FAM204A: variants seen among roughly 807,000 people sequenced by gnomAD.
The protein encoded by FAM204A is family with sequence similarity 204 member A, also known as protein FAM204A.
In FAM204A, 16 loss-of-function variants were observed where a neutral mutation model predicts 35.4. That is an observed-to-expected ratio of 0.45 (90% CI 0.31 to 0.69). The LOEUF (loss-of-function observed/expected upper bound fraction) is 0.69. FAM204A is among the 30% of genes least tolerant of loss of function. The pLI, the probability that FAM204A is intolerant of heterozygous loss-of-function variation, is 0.07. For synonymous variants in FAM204A, 76 were observed against 86.9 expected (o/e 0.88, Z 0.70); for missense variants, 240 against 265.7 (o/e 0.90, Z 0.67).
chr10:118,318,429 G>A (rs1281530643), intron 7 of FAM204A, among the ~76,000 whole-genome samples: 1 of 151,776 alleles, frequency 6.6e-6, no homozygotes, highest in East Asian at 1.9e-4. Context: ...TATTCAAATG[G>A]AGATATTAAA....
chr10:118,304,438 C>T lies in FAM204A; in HGVS notation c.*6419G>A, dbSNP rs1378386015. 2.0e-5 allele frequency: 3 copies of T among 152,364 alleles called. No individual in the cohort carries two copies. Among genetic ancestry groups the T allele is most frequent in the African/African-American group, 7.2e-5 (3 of 41,452 alleles). 9.4% of individuals were successfully genotyped at this position (152,364 alleles called of 1,614,324 possible). A position where few individuals can be genotyped will look rare whatever the true frequency, so the allele number is the denominator to read the frequency against. ...ACCATCCATAGACACCCAACTCTTC[C>T]CCGCACAAGTCCAATCTCCCCAGCA... is the stretch of plus-strand genomic sequence containing the variant. On this transcript the variant is annotated 3_prime_UTR_variant, in exon 9 of 9. Coordinates refer to ENST00000369183, the MANE Select transcript of FAM204A (RefSeq NM_022063.3).
chr10:118,341,127 T>C (rs918704663), intron 2 of FAM204A, among the ~76,000 whole-genome samples: 14 of 152,200 alleles, frequency 9.2e-5, no homozygotes, highest in Non-Finnish European at 1.5e-4. Flanking sequence ...AATAATGTCA[T>C]ATTTTCTGGA....
rs1845806140 is a variant in FAM204A at position 118,301,339 on chromosome 10, A to G, written c.*9518T>C. On this transcript the variant is annotated 3_prime_UTR_variant, in exon 9 of 9. Transcript: ENST00000369183. Reference sequence around the variant, plus strand: ...AGTTTTACAAATGCTGATAGAAGACACTAGACTCTCAGTTCAGACATTTAC... The same window carrying G: ...AGTTTTACAAATGCTGATAGAAGACGCTAGACTCTCAGTTCAGACATTTAC... The G allele has an allele frequency of 6.6e-6, 1 of 152,244 alleles. No homozygotes were observed. The highest frequency in any genetic ancestry group is 2.1e-4 in the South Asian group (1 of 4,830). 9.4% of individuals were successfully genotyped at this position (152,244 alleles called of 1,614,324 possible). A position where few individuals can be genotyped will look rare whatever the true frequency, so the allele number is the denominator to read the frequency against.
At chr10:118,339,796 T>C (rs556914425) in intron 2 of FAM204A, among the ~76,000 whole-genome samples, 28 of 84,058 alleles carry the variant, frequency 3.3e-4, no homozygotes, top group African/African-American at 9.7e-4. Context: ...CATCCCACAA[T>C]TATCCTCAAG....
At chr10:118,331,422 T>G (rs766384986) in intron 6 of FAM204A, among the ~76,000 whole-genome samples, 4 of 152,198 alleles carry the variant, frequency 2.6e-5, no homozygotes, top group Non-Finnish European at 4.4e-5. Context: ...GTGAAAAATT[T>G]ATCTAAACGA....
chr10:118,315,891 C>T (rs1589720733), intron 7 of FAM204A, among the ~76,000 whole-genome samples: 2 of 152,258 alleles, frequency 1.3e-5, no homozygotes, highest in East Asian at 1.9e-4. Flanking sequence ...ATCATTGGCA[C>T]TGTCATCAGT....
Position 118,307,674 on chromosome 10 carries a change from TTTATAAA to T in FAM204A, c.*3176_*3182del, listed in dbSNP as rs1845885581. 6.6e-6 allele frequency: 1 copy of T among 152,240 alleles called. No individual in the cohort carries two copies. The highest frequency in any genetic ancestry group is 1.5e-5 in the Non-Finnish European group (1 of 68,038). 9.4% of individuals were successfully genotyped at this position (152,240 alleles called of 1,614,324 possible). On this transcript the variant is annotated 3_prime_UTR_variant, in exon 9 of 9. Transcript: ENST00000369183. ...AATGTCTTAACAAAAATTTGGACATTTTATAAATTATATCTTCATTTTTTGTGAATTA... is the reference window on the plus strand; with the variant it reads ...AATGTCTTAACAAAAATTTGGACATTTTATATCTTCATTTTTTGTGAATTA...
rs1345329626 is a variant in FAM204A at position 118,336,196 on chromosome 10, T to C, written c.220A>G (p.Ile74Val). ...AGAAAACCTACATTCCACATATCTA[T>C]GGGAATTCCAGAAGGACACTCTTCA... ...AYEECPSGIP[I>V]DMWNKFQELH... The change falls in exon 3 of 9, where the codon ATA becomes GTA. Residue 74 changes from isoleucine to valine, a missense_variant. Around this residue, in one of 2 missense-constraint regions of FAM204A, gnomAD observed 232 missense variants for 242.8 expected, o/e 0.96. Coordinates refer to ENST00000369183, the MANE Select transcript of FAM204A (RefSeq NM_022063.3). The C allele has an allele frequency of 3.7e-6, 6 of 1,613,556 alleles. No individual in the cohort carries two copies. Among genetic ancestry groups the C allele is most frequent in the Middle Eastern group, 1.7e-4 (1 of 6,026 alleles).
intron 6 of FAM204A, among the ~76,000 whole-genome samples, chr10:118,329,562 T>C (rs1846256414): frequency 6.6e-6 from 1 of 152,182 alleles, no homozygotes; most frequent in South Asian, 2.1e-4. Context: ...TACATTCCTA[T>C]GACCCCATCA....
chr10:118,314,123 A>C (rs1430409740), intron 7 of FAM204A, among the ~76,000 whole-genome samples: 1 of 152,252 alleles, frequency 6.6e-6, no homozygotes, highest in Non-Finnish European at 1.5e-5. Flanking sequence ...AATTCATTAG[A>C]ACGTATTAAT....
intron 6 of FAM204A, among the ~76,000 whole-genome samples, chr10:118,328,983 C>A (rs1439287358): frequency 6.6e-6 from 1 of 152,092 alleles, no homozygotes; most frequent in Non-Finnish European, 1.5e-5. Flanking sequence ...TGACTTCTCC[C>A]CTGTACCAAT....
chr10:118,310,755 G>T lies in FAM204A; in HGVS notation c.*102C>A. The T allele has an allele frequency of 3.1e-6, 3 of 974,550 alleles. No homozygotes were observed. The highest frequency in any genetic ancestry group is 2.5e-5 in the East Asian group (1 of 40,086). 60.4% of individuals were successfully genotyped at this position (974,550 alleles called of 1,614,324 possible). A position where few individuals can be genotyped will look rare whatever the true frequency, so the allele number is the denominator to read the frequency against. On this transcript the variant is annotated 3_prime_UTR_variant, in exon 9 of 9. Coordinates refer to ENST00000369183, the MANE Select transcript of FAM204A (RefSeq NM_022063.3). ...AATCCCAAATTTTATGCTTATTTTT[G>T]TTTTAGTGCTATCAATTTTCTGACA...
At chr10:118,328,174 A>C (rs1402356055) in intron 6 of FAM204A, among the ~76,000 whole-genome samples, 1 of 152,044 alleles carries the variant, frequency 6.6e-6, no homozygotes, top group African/African-American at 2.4e-5. Context: ...CATAATCTAG[A>C]ATTCTACTCC....
rs1845846964 is a variant in FAM204A at position 118,304,995 on chromosome 10, G to C, written c.*5862C>G. On this transcript the variant is annotated 3_prime_UTR_variant, in exon 9 of 9. Coordinates refer to ENST00000369183, the MANE Select transcript of FAM204A (RefSeq NM_022063.3). ...TGATGAAGTAAGGAAGTCTGAGCCA[G>C]TGCAAAGTGAGAACTAATGTGTTCC... 6.6e-6 allele frequency: 1 copy of C among 152,220 alleles called. No individual in the cohort carries two copies. Among genetic ancestry groups the C allele is most frequent in the South Asian group, 2.1e-4 (1 of 4,840 alleles). 9.4% of individuals were successfully genotyped at this position (152,220 alleles called of 1,614,324 possible). A position where few individuals can be genotyped will look rare whatever the true frequency, so the allele number is the denominator to read the frequency against.
intron 7 of FAM204A, among the ~76,000 whole-genome samples, chr10:118,319,150 G>A (rs565104189): frequency 1.6e-4 from 24 of 152,056 alleles, no homozygotes; most frequent in South Asian, 1.0e-3. Flanking sequence ...CTACTTCTCA[G>A]ATGTTAATAT....
rs553804190 is a variant in FAM204A, at chr10:118,298,178, C to A, written c.*12679G>T. 1 of 152,306 alleles carries A rather than the reference C, an allele frequency of 6.6e-6. No individual in the cohort carries two copies. Among genetic ancestry groups the A allele is most frequent in the African/African-American group, 2.4e-5 (1 of 41,574 alleles). The allele number at this position is 152,306 out of a possible 1,614,324, so 9.4% of individuals were successfully genotyped here. A position where few individuals can be genotyped will look rare whatever the true frequency, so the allele number is the denominator to read the frequency against. On this transcript the variant is annotated 3_prime_UTR_variant, in exon 9 of 9. Coordinates refer to ENST00000369183, the MANE Select transcript of FAM204A (RefSeq NM_022063.3). ...CGTGTGGCTTTAAATTTTTGAGCCCCAGTCCCTGGAACTAACCCATCTACT... is the reference window on the plus strand; with the variant it reads ...CGTGTGGCTTTAAATTTTTGAGCCCAAGTCCCTGGAACTAACCCATCTACT...
At position 118,335,262 on chromosome 10, in the gene FAM204A, C is replaced by T. The variant is rs373397064; in HGVS notation, c.354-49G>A. The T allele has an allele frequency of 1.0e-5, 16 of 1,570,262 alleles. No homozygotes were observed. In the African/African-American group the frequency reaches 2.1e-4, roughly 20 times the overall value. On this transcript the variant is annotated intron_variant, in intron 5 of 8. Coordinates refer to ENST00000369183, the MANE Select transcript of FAM204A (RefSeq NM_022063.3). ...TTTTATACAATATATACTGTCTTTACTTTTACTGTTTTTAATCGGTTACTA... is the reference window on the plus strand; with the variant it reads ...TTTTATACAATATATACTGTCTTTATTTTTACTGTTTTTAATCGGTTACTA...
At chr10:118,319,789 A>G (rs1846083981) in intron 7 of FAM204A, among the ~76,000 whole-genome samples, 1 of 151,978 alleles carries the variant, frequency 6.6e-6, no homozygotes, top group Non-Finnish European at 1.5e-5. Flanking sequence ...GCAAATCATC[A>G]AAAACCAATA....
intron 6 of FAM204A, among the ~76,000 whole-genome samples, chr10:118,329,722 C>T (rs570708192): frequency 9.2e-5 from 14 of 152,222 alleles, no homozygotes; most frequent in African/African-American, 2.4e-4. Context: ...TGTGTGTCAC[C>T]GGCTTGGTGT....
Sources: gnomAD v4.1 joint callset for allele counts (sites outside exome capture counted in the v4.1 genomes callset) on GRCh38, gnomAD v4.1.1 for gene constraint, gnomAD v4.1.1 regional missense constraint, MANE v1.5 for transcripts, NCBI Gene and HGNC (gene_info 2026-07-23, HGNC 2026-07-21) for gene names.